LPAR2: variants seen among roughly 807,000 people sequenced by gnomAD.
LPAR2 encodes the protein lysophosphatidic acid receptor 2.
Under a neutral mutation model 15.6 loss-of-function variants are expected in LPAR2, and 10 were observed. That is an observed-to-expected ratio of 0.64 (90% confidence interval 0.39 to 1.09). The LOEUF (loss-of-function observed/expected upper bound fraction) is 1.09, where lower values mean the gene tolerates loss of function less well. Among genes scored for constraint, LPAR2 ranks in the 50% least tolerant of loss-of-function variants. The pLI, the probability that LPAR2 is intolerant of heterozygous loss-of-function variation, is 0.01. For synonymous variants in LPAR2, 204 were observed against 207.4 expected (o/e 0.98, Z 0.14); for missense variants, 413 against 484.6 (o/e 0.85, Z 1.39).
At chr19:19,625,182 T>C (rs991790155) in intron 2 of LPAR2, among the ~76,000 whole-genome samples, 3 of 151,908 alleles carry the variant, frequency 2.0e-5, no homozygotes, top group African/African-American at 7.3e-5. Context: ...AGTGGCACGA[T>C]CACACCTCAC....
Position 19,626,827 on chromosome 19 carries a change from C to CCA in LPAR2, c.457_458insTG (p.Gly153ValfsTer115). On this transcript the variant is annotated frameshift_variant, in exon 2 of 3. Transcript: ENST00000407877. LOFTEE classifies it high-confidence loss of function. The surrounding 1 kb of genome is among the most constrained non-coding windows in gnomAD (Gnocchi z 5.3). ...CAGGCCCAGGGCAGCCACCCACACG[C>CCA]CCACAATGAGCATGACCACGCGGCC... is the stretch of plus-strand genomic sequence containing the variant. 1 of 1,596,328 alleles carries CCA rather than the reference C, an allele frequency of 6.3e-7. No homozygotes were observed. The highest frequency in any genetic ancestry group is 1.7e-4 in the Middle Eastern group (1 of 6,040).
Position 19,626,129 on chromosome 19 carries a change from C to T in LPAR2, c.742+414G>A, listed in dbSNP as rs1377179143. 1.3e-5 allele frequency among the ~76,000 whole-genome samples: 2 copies of T among 152,014 alleles called. No homozygotes were observed. Among genetic ancestry groups the T allele is most frequent in the African/African-American group, 4.8e-5 (2 of 41,402 alleles). On this transcript the variant is annotated intron_variant, in intron 2 of 2. Coordinates refer to ENST00000407877, the MANE Select transcript of LPAR2 (RefSeq NM_004720.7). The surrounding 1 kb of genome is among the most constrained non-coding windows in gnomAD (Gnocchi z 5.3). ...AACTCCCAACCTCAGCTGATCTGCC[C>T]GCCTCGGCCTCCCAAAGTGCTGGGA...
At position 19,626,762 on chromosome 19, in the gene LPAR2, G is replaced by A. The variant is rs2061742426; in HGVS notation, c.523C>T (p.Leu175=). 9 of 1,611,330 alleles carry A rather than the reference G, an allele frequency of 5.6e-6. No homozygotes were observed. Among genetic ancestry groups the A allele is most frequent in the Non-Finnish European group, 7.6e-6 (9 of 1,179,082 alleles). ...GGTGCCATGCGTGAGCAGCGGTCCA[G>A]GGCACAGAGGCAGTGCCAGGAGTGG... Residue 175 remains leucine (L), a synonymous_variant, in exon 2 of 3, where the codon CTG becomes TTG. Transcript: ENST00000407877. The surrounding 1 kb of genome is among the most constrained non-coding windows in gnomAD (Gnocchi z 5.3).
intron 2 of LPAR2, among the ~76,000 whole-genome samples, chr19:19,625,731 C>T (rs1320391999): frequency 2.8e-5 from 4 of 143,372 alleles, no homozygotes; most frequent in Non-Finnish European, 4.5e-5. Context: ...TGCAGTGAGC[C>T]GAGATTGCGC....
Position 19,626,849 on chromosome 19 carries a change from G to C in LPAR2, c.436C>G (p.Arg146Gly), listed in dbSNP as rs539775382. The stretch of plus-strand genomic sequence containing the variant: ...ACGCCCACAATGAGCATGACCACGC[G>C]GCCACGGGGCAGGCGGCTGTGCAGC... Residue 146 changes from arginine to glycine, a missense_variant, in exon 2 of 3, where the codon CGC becomes GGC. Coordinates refer to ENST00000407877, the MANE Select transcript of LPAR2 (RefSeq NM_004720.7). The surrounding 1 kb of genome is among the most constrained non-coding windows in gnomAD (Gnocchi z 5.3). 5 of 1,594,018 alleles carry C rather than the reference G, an allele frequency of 3.1e-6. No individual in the cohort carries two copies. The Admixed American group carries it at 8.8e-5, about 28-fold the overall frequency.
Position 19,623,949 on chromosome 19 carries a change from C to A in LPAR2, c.*307G>T. ...GCATCACACAGCAGGAACCAGTCCA[C>A]AGGGCTTACCAAGGATACGCAGTGA... On this transcript the variant is annotated 3_prime_UTR_variant, in exon 3 of 3. Transcript: ENST00000407877. 2.5e-6 allele frequency: 1 copy of A among 396,442 alleles called. No individual in the cohort carries two copies. Among genetic ancestry groups the A allele is most frequent in the Non-Finnish European group, 4.6e-6 (1 of 216,522 alleles). The allele number at this position is 396,442 out of a possible 1,614,324, so 24.6% of individuals were successfully genotyped here.
Position 19,628,211 on chromosome 19 carries a change from T to C in LPAR2, c.-120A>G, listed in dbSNP as rs953038571. 2 of 151,574 alleles carry C rather than the reference T, an allele frequency of 1.3e-5. No individual in the cohort carries two copies. The highest frequency in any genetic ancestry group is 2.9e-5 in the Non-Finnish European group (2 of 67,848). The allele number at this position is 151,574 out of a possible 1,614,324, so 9.4% of individuals were successfully genotyped here. A position where few individuals can be genotyped will look rare whatever the true frequency, so the allele number is the denominator to read the frequency against. On this transcript the variant is annotated 5_prime_UTR_variant, in exon 1 of 3. Transcript: ENST00000407877. ...AGCGTCCGGGTGCGCCCTGTGCGGG[T>C]TGCTGAGAGGGCGCGGGAGGCGGGG...
At chr19:19,624,632 A>C in intron 2 of LPAR2, 63 bp from the exon 3 acceptor site, 8 of 1,423,512 alleles carry the variant, frequency 5.6e-6, no homozygotes, top group Non-Finnish European at 7.7e-6. Flanking sequence ...TACAGCTCTC[A>C]GTTTGGGGTT....
At position 19,626,869 on chromosome 19, in the gene LPAR2, T is replaced by C. The variant is rs747762837; in HGVS notation, c.416A>G (p.His139Arg). The C allele has an allele frequency of 5.6e-6, 9 of 1,594,840 alleles. No individual in the cohort carries two copies. The highest frequency in any genetic ancestry group is 7.7e-6 in the Non-Finnish European group (9 of 1,171,600). The change falls in exon 2 of 3, where the codon CAC becomes CGC. Residue 139 changes from histidine (H) to arginine (R), a missense_variant. His to Arg is a conservative substitution (Grantham distance 29). Coordinates refer to ENST00000407877, the MANE Select transcript of LPAR2 (RefSeq NM_004720.7). The surrounding 1 kb of genome is among the most constrained non-coding windows in gnomAD (Gnocchi z 5.3). ...CACGCGGCCACGGGGCAGGCGGCTG[T>C]GCAGCTGCACGGCCATCACACTGCG...
chr19:19,624,668 T>G, intron 2 of LPAR2, 99 bp from the exon 3 acceptor site: 8 of 946,746 alleles, frequency 8.5e-6, no homozygotes, highest in African/African-American at 1.6e-5. Flanking sequence ...GCTCGAGCAA[T>G]AGTGGTGAAG....
rs2061750567 is a variant in LPAR2 at position 19,627,781 on chromosome 19, G to A, written c.-1+311C>T. The A allele has an allele frequency of 6.0e-6, 1 of 165,950 alleles. No homozygotes were observed. The highest frequency in any genetic ancestry group is 1.3e-5 in the Non-Finnish European group (1 of 75,100). The allele number at this position is 165,950 out of a possible 1,614,324, so 10.3% of individuals were successfully genotyped here. Reference sequence around the variant, plus strand: ...GAACCCTGCGAGGGGGCGGTGCCGAGGCGTGGAGGTGATCGGAGTGGACAG... The same window carrying A: ...GAACCCTGCGAGGGGGCGGTGCCGAAGCGTGGAGGTGATCGGAGTGGACAG... On this transcript the variant is annotated intron_variant, in intron 1 of 2. Coordinates refer to ENST00000407877, the MANE Select transcript of LPAR2 (RefSeq NM_004720.7). The surrounding 1 kb of genome is among the most constrained non-coding windows in gnomAD (Gnocchi z 4.7).
rs33982830 is a variant in LPAR2 at position 19,626,877 on chromosome 19, C to T, written c.408G>A (p.Val136=). 372,594 of 1,593,658 alleles carry T rather than the reference C, an allele frequency of 0.23. 46,093 individuals are homozygous for T. The highest frequency in any genetic ancestry group is 0.34 in the East Asian group (14,756 of 43,286). The change falls in exon 2 of 3, where the codon GTG becomes GTA. Residue 136 remains valine, a synonymous_variant. Transcript: ENST00000407877. This position sits in a 1 kb window ranked among gnomAD's most constrained non-coding sequence, Gnocchi z 5.3. ...CACGGGGCAGGCGGCTGTGCAGCTG[C>T]ACGGCCATCACACTGCGGTGCCGCT... is the stretch of plus-strand genomic sequence containing the variant.
At position 19,626,440 on chromosome 19, in the gene LPAR2, C is replaced by T. The variant is rs1348959773; in HGVS notation, c.742+103G>A. ...GACATTCCCCACCTAAATCATCCCC[C>T]ATCACCCTCTATCAGGTAGCTTGTT... On this transcript the variant is annotated intron_variant, in intron 2 of 2. Transcript: ENST00000407877. The surrounding 1 kb of genome is among the most constrained non-coding windows in gnomAD (Gnocchi z 5.3). 1.4e-6 allele frequency: 2 copies of T among 1,392,666 alleles called. No homozygotes were observed. The highest frequency in any genetic ancestry group is 2.3e-5 in the East Asian group (1 of 43,534). The allele number at this position is 1,392,666 out of a possible 1,614,324, so 86.3% of individuals were successfully genotyped here.
chr19:19,626,712 G>A lies in LPAR2; in HGVS notation c.573C>T (p.Ala191=), dbSNP rs2061742090. ...CAAGCAGGCTCGACAGAGCCCAGAC[G>A]GCCAAATAGGAGCGGCTGAGCAGGG... The change falls in exon 2 of 3, where the codon GCC becomes GCT. Residue 191 remains alanine (A), a synonymous_variant. Coordinates refer to ENST00000407877, the MANE Select transcript of LPAR2 (RefSeq NM_004720.7). This position sits in a 1 kb window ranked among gnomAD's most constrained non-coding sequence, Gnocchi z 5.3. The A allele has an allele frequency of 2.5e-6, 4 of 1,613,700 alleles. No homozygotes were observed. Among genetic ancestry groups the A allele is most frequent in the Non-Finnish European group, 3.4e-6 (4 of 1,180,018 alleles).
rs1043614978 is a variant in LPAR2, at chr19:19,628,183, T to A, written c.-92A>T. ...GGCCCGGCGACTGCGGCGGGAGCGGTAGAGCGTCCGGGTGCGCCCTGTGCG... is the reference window on the plus strand; with the variant it reads ...GGCCCGGCGACTGCGGCGGGAGCGGAAGAGCGTCCGGGTGCGCCCTGTGCG... On this transcript the variant is annotated 5_prime_UTR_variant, in exon 1 of 3. Transcript: ENST00000407877. 1 of 151,828 alleles carries A rather than the reference T, an allele frequency of 6.6e-6. No individual in the cohort carries two copies. 9.4% of individuals were successfully genotyped at this position (151,828 alleles called of 1,614,324 possible).
chr19:19,626,595 G>C lies in LPAR2; in HGVS notation c.690C>G (p.Pro230=). Residue 230 remains proline (P), a synonymous_variant, in exon 2 of 3, where the codon CCC becomes CCG. Transcript: ENST00000407877. The surrounding 1 kb of genome is among the most constrained non-coding windows in gnomAD (Gnocchi z 5.3). ...GGCTGAGCGTGGTCTCTCGGTAGCG[G>C]GGGTGGCAGCTGACATGCTCTGCCA... 1 of 1,613,126 alleles carries C rather than the reference G, an allele frequency of 6.2e-7. No homozygotes were observed. Among genetic ancestry groups the C allele is most frequent in the South Asian group, 1.1e-5 (1 of 91,072 alleles).
chr19:19,626,584 T>C lies in LPAR2; in HGVS notation c.701A>G (p.Glu234Gly). The change falls in exon 2 of 3, where the codon GAG becomes GGG. Residue 234 changes from glutamate (E) to glycine (G), a missense_variant. Transcript: ENST00000407877. This position sits in a 1 kb window ranked among gnomAD's most constrained non-coding sequence, Gnocchi z 5.3. ...AGTCTTGACCAGGCTGAGCGTGGTC[T>C]CTCGGTAGCGGGGGTGGCAGCTGAC... 1.2e-6 allele frequency: 2 copies of C among 1,612,678 alleles called. No individual in the cohort carries two copies. Among genetic ancestry groups the C allele is most frequent in the South Asian group, 2.2e-5 (2 of 91,014 alleles).
chr19:19,625,767 AGC>A (rs2061736572), intron 2 of LPAR2, among the ~76,000 whole-genome samples: 3 of 143,556 alleles, frequency 2.1e-5, no homozygotes, highest in African/African-American at 7.6e-5. Flanking sequence ...TGGGTGACAG[AGC>A]GAGACTCTGT....
In LPAR2 at chr19:19,627,699, CAG is replaced by C; in HGVS notation, c.-1+391_-1+392del. ...GGGAGGATCACTTTGGTGCCGGAGT[CAG>C]TGTAGGGAGCAGAGACCCGGGAGCG... is the stretch of plus-strand genomic sequence containing the variant. On this transcript the variant is annotated intron_variant, in intron 1 of 2. Coordinates refer to ENST00000407877, the MANE Select transcript of LPAR2 (RefSeq NM_004720.7). This position sits in a 1 kb window ranked among gnomAD's most constrained non-coding sequence, Gnocchi z 4.7. 4.3e-6 allele frequency: 1 copy of C among 232,894 alleles called. No homozygotes were observed. The highest frequency in any genetic ancestry group is 5.5e-5 in the South Asian group (1 of 18,238). The allele number at this position is 232,894 out of a possible 1,614,324, so 14.4% of individuals were successfully genotyped here.
Sources: allele counts gnomAD v4.1 joint callset (sites outside exome capture counted in the v4.1 genomes callset), GRCh38; gene constraint gnomAD v4.1.1; non-coding constraint Gnocchi (gnomAD v3.1); transcripts MANE v1.5; gene names NCBI Gene and HGNC (gene_info 2026-07-23, HGNC 2026-07-21).